Variants in DEK observed in about 807,000 individuals in gnomAD.
The protein encoded by DEK is protein DEK.
In DEK, 28 loss-of-function variants were observed where a neutral mutation model predicts 46.8. The ratio of observed to expected loss-of-function variants is 0.60; its 90% CI spans 0.44 to 0.82. DEK has a LOEUF of 0.82. Ranked by LOEUF, DEK falls within the 40% of genes least tolerant of loss-of-function variation. The probability of loss-of-function intolerance (pLI) is 0.00; values close to 1 mark genes in which losing one functional copy is unlikely to be tolerated. For synonymous variants in DEK, 160 were observed against 144.5 expected (o/e 1.11, Z -0.77); for missense variants, 416 against 430.6 (o/e 0.97, Z 0.30).
chr6:18,258,593 T>C (rs767412050), intron 2 of DEK, among the ~76,000 whole-genome samples, 188 bp from the exon 3 acceptor site: 5 of 152,150 alleles, frequency 3.3e-5, no homozygotes, highest in Non-Finnish European at 5.9e-5. Flanking sequence ...ATGAAAATTT[T>C]TTCAGAGTAA....
chr6:18,231,034 C>T (rs980957732), intron 9 of DEK, among the ~76,000 whole-genome samples: 7 of 152,144 alleles, frequency 4.6e-5, no homozygotes, highest in Non-Finnish European at 8.8e-5. Flanking sequence ...GACCAAAGTG[C>T]AATCAAACTA....
intron 6 of DEK, among the ~76,000 whole-genome samples, chr6:18,253,858 G>T (rs1791494299): frequency 6.6e-6 from 1 of 151,908 alleles, no homozygotes; most frequent in African/African-American, 2.4e-5. Flanking sequence ...GATTACACGA[G>T]CGTGCCTCAG....
chr6:18,233,373 G>C (rs369969853), intron 9 of DEK, among the ~76,000 whole-genome samples: 11 of 150,378 alleles, frequency 7.3e-5, no homozygotes, highest in Admixed American at 1.3e-4. Flanking sequence ...AACTAAAGAG[G>C]TTCTGCACAG....
intron 6 of DEK, among the ~76,000 whole-genome samples, chr6:18,254,911 T>C (rs941812005): frequency 6.6e-6 from 1 of 152,172 alleles, no homozygotes; most frequent in African/African-American, 2.4e-5. Context: ...CTAATGGTAA[T>C]AAGGACCAAG....
At chr6:18,263,163 G>A (rs946129868) in intron 2 of DEK, among the ~76,000 whole-genome samples, 4 of 152,144 alleles carry the variant, frequency 2.6e-5, no homozygotes, top group African/African-American at 9.7e-5. Context: ...TCAAGTTTCC[G>A]TTTCACACCT....
intron 2 of DEK, among the ~76,000 whole-genome samples, 184 bp from the exon 3 acceptor site, chr6:18,258,589 A>T (rs994940522): frequency 3.9e-5 from 6 of 152,056 alleles, no homozygotes; most frequent in Non-Finnish European, 7.4e-5. Context: ...CACCATGAAA[A>T]TTTTTTCAGA....
intron 7 of DEK, among the ~76,000 whole-genome samples, chr6:18,247,622 A>G (rs531820185): frequency 7.0e-4 from 107 of 152,284 alleles, no homozygotes; most frequent in African/African-American, 2.5e-3. Flanking sequence ...ACCTCTACAG[A>G]ACTATGGGAC....
chr6:18,242,078 G>A (rs1413617506), intron 7 of DEK, among the ~76,000 whole-genome samples: 1 of 152,216 alleles, frequency 6.6e-6, no homozygotes, highest in Non-Finnish European at 1.5e-5. Flanking sequence ...TCTGAAGATA[G>A]AAGTACATAA....
rs1420598441 is a variant in DEK at position 18,224,449 on chromosome 6, A to G, written c.*1270T>C. ...CATTGTGTCATAAACAGCATGTTTT[A>G]AAATTCAGATTTAATAAACTGATTT... On this transcript the variant is annotated 3_prime_UTR_variant, in exon 11 of 11. Transcript: ENST00000652689. 3 of 194,786 alleles carry G rather than the reference A, an allele frequency of 1.5e-5. No individual in the cohort carries two copies. Among genetic ancestry groups the G allele is most frequent in the Non-Finnish European group, 3.2e-5 (3 of 93,670 alleles). The allele number at this position is 194,786 out of a possible 1,614,324, so 12.1% of individuals were successfully genotyped here.
rs1792033525 is a variant in DEK, at chr6:18,264,524, C to G, written c.-149G>C. 4.6e-6 allele frequency: 1 copy of G among 219,600 alleles called. No individual in the cohort carries two copies. The allele number at this position is 219,600 out of a possible 1,614,324, so 13.6% of individuals were successfully genotyped here. On this transcript the variant is annotated 5_prime_UTR_variant, in exon 1 of 11. Transcript: ENST00000652689. ...CGCCGCGCGCTCGGCTCCCCAGAAT[C>G]AACAAGATTTTCAAAATGGCGGTTC... is the stretch of plus-strand genomic sequence containing the variant.
At position 18,261,348 on chromosome 6, in the gene DEK, G is replaced by A. The variant is rs928122466; in HGVS notation, c.145+2495C>T. Among the ~76,000 whole-genome samples the A allele has an allele frequency of 3.9e-5, 6 of 152,108 alleles. 1 individual carries two copies. The South Asian group carries it at 1.0e-3, about 26-fold the overall frequency. On this transcript the variant is annotated intron_variant, in intron 2 of 10. Coordinates refer to ENST00000652689, the MANE Select transcript of DEK (RefSeq NM_003472.4). ...AAAACTCTGGGAGGCTGAGACGGGC[G>A]GATCACCTGAGGTCGGGAGTTTGAG... is the stretch of plus-strand genomic sequence containing the variant.
chr6:18,246,355 T>C (rs1791115073), intron 7 of DEK, among the ~76,000 whole-genome samples: 2 of 152,230 alleles, frequency 1.3e-5, no homozygotes, highest in South Asian at 4.1e-4. Flanking sequence ...TAAAGGGATT[T>C]CTTTCTGAAG....
rs542416858 is a variant in DEK at position 18,237,185 on chromosome 6, C to CTA, written c.898+194_898+195dup. On this transcript the variant is annotated intron_variant, in intron 8 of 10. Transcript: ENST00000652689. ...GATATCTCTCTCTCTGTCTCTCTCT[C>CTA]TATATATATATATTGCAAAATCTGA... The CTA allele has an allele frequency of 5.7e-3, 2,722 of 480,104 alleles. 5 individuals are homozygous for CTA. The highest frequency in any genetic ancestry group is 7.0e-3 in the Admixed American group (169 of 24,138). The allele number at this position is 480,104 out of a possible 1,614,324, so 29.7% of individuals were successfully genotyped here.
At chr6:18,243,031 C>T (rs892608678) in intron 7 of DEK, among the ~76,000 whole-genome samples, 9 of 152,094 alleles carry the variant, frequency 5.9e-5, no homozygotes, top group African/African-American at 9.7e-5. Context: ...TGACAGCAAT[C>T]GGGCTTGGCA....
In DEK at chr6:18,258,027, G is replaced by A; in HGVS notation, c.283C>T (p.His95Tyr). ...GQKLCEIERI[H>Y]FFLSKKKTDE... ...GTTTTCTTCTTACTTAGAAAAAAAT[G>A]TATCCTCTCAATTTCACAAAGTTTC... is the stretch of plus-strand genomic sequence containing the variant. The change falls in exon 4 of 11, where the codon CAT becomes TAT. Residue 95 changes from histidine (H) to tyrosine (Y), a missense_variant. Physicochemically the swap from His to Tyr is moderately conservative, Grantham distance 83. Coordinates refer to ENST00000652689, the MANE Select transcript of DEK (RefSeq NM_003472.4). 6.2e-7 allele frequency: 1 copy of A among 1,610,768 alleles called. No individual in the cohort carries two copies.
Position 18,258,508 on chromosome 6 carries a change from A to T in DEK, c.146-103T>A, listed in dbSNP as rs373163112. Reference sequence around the variant, plus strand: ...CAAAGTCCCCAAAACCTAATACTTTATTCTTCTTCTGAGCATGGTTTTGGA... The same window carrying T: ...CAAAGTCCCCAAAACCTAATACTTTTTTCTTCTTCTGAGCATGGTTTTGGA... On this transcript the variant is annotated intron_variant, in intron 2 of 10. Coordinates refer to ENST00000652689, the MANE Select transcript of DEK (RefSeq NM_003472.4). 83 of 754,352 alleles carry T rather than the reference A, an allele frequency of 1.1e-4. No individual in the cohort carries two copies. The African/African-American group carries it at 1.4e-3, about 13-fold the overall frequency. The allele number at this position is 754,352 out of a possible 1,614,324, so 46.7% of individuals were successfully genotyped here.
intron 9 of DEK, among the ~76,000 whole-genome samples, chr6:18,232,605 T>C (rs1402607679): frequency 6.6e-6 from 1 of 152,084 alleles, no homozygotes; most frequent in Non-Finnish European, 1.5e-5. Context: ...GAATTCCCAT[T>C]CACAATTGCT....
rs1791602363 is a variant in DEK at position 18,256,470 on chromosome 6, T to C, written c.358-15A>G. Reference sequence around the variant, plus strand: ...AATGAGGACACCTGAAAATGTTCCTTATTATTAATGGTATTTATTACCCAG... The same window carrying C: ...AATGAGGACACCTGAAAATGTTCCTCATTATTAATGGTATTTATTACCCAG... On this transcript the variant is annotated splice_polypyrimidine_tract_variant and intron_variant, in intron 4 of 10. Transcript: ENST00000652689. The C allele has an allele frequency of 6.3e-7, 1 of 1,598,728 alleles. No homozygotes were observed. The highest frequency in any genetic ancestry group is 8.5e-7 in the Non-Finnish European group (1 of 1,169,972).
rs758705861 is a variant in DEK, at chr6:18,264,483, T to A, written c.-108A>T. 3.1e-4 allele frequency: 86 copies of A among 273,070 alleles called. No homozygotes were observed. Among genetic ancestry groups the A allele is most frequent in the Non-Finnish European group, 5.2e-4 (71 of 136,464 alleles). 16.9% of individuals were successfully genotyped at this position (273,070 alleles called of 1,614,324 possible). A position where few individuals can be genotyped will look rare whatever the true frequency, so the allele number is the denominator to read the frequency against. ...CGAGGAGAAGGCGCGCGGGCCGCTG[T>A]CTGGCGTGACGCTCGCGCCGCGCGC... On this transcript the variant is annotated 5_prime_UTR_variant, in exon 1 of 11. Coordinates refer to ENST00000652689, the MANE Select transcript of DEK (RefSeq NM_003472.4).
Sources: gnomAD v4.1 joint callset for allele counts (sites outside exome capture counted in the v4.1 genomes callset) on GRCh38, gnomAD v4.1.1 for gene constraint, MANE v1.5 for transcripts, NCBI Gene and HGNC (gene_info 2026-07-23, HGNC 2026-07-21) for gene names.